The following SYNPO2 variants were observed in gnomAD, a reference collection of about 807,000 sequenced individuals.
SYNPO2 encodes the protein synaptopodin 2.
In SYNPO2, 56 loss-of-function variants were observed where a neutral mutation model predicts 85.0. The observed-to-expected ratio is 0.66, with a 90% CI of 0.53 to 0.82. The LOEUF (loss-of-function observed/expected upper bound fraction) is 0.82. Ranked by LOEUF, SYNPO2 falls within the 40% of genes least tolerant of loss-of-function variation. The probability of loss-of-function intolerance (pLI) is 0.00; values close to 1 mark genes in which losing one functional copy is unlikely to be tolerated. For synonymous variants in SYNPO2, 602 were observed against 591.1 expected, an observed-to-expected ratio of 1.02 and a Z score of -0.27; for missense variants, 1,575 against 1,534.2, an observed-to-expected ratio of 1.03 and a Z score of -0.44.
At chr4:118,944,948 A>T (rs376510351) in intron 1 of SYNPO2, among the ~76,000 whole-genome samples, 1 of 152,198 alleles carries the variant, frequency 6.6e-6, no homozygotes, top group Non-Finnish European at 1.5e-5. Context: ...TTGACATCCT[A>T]CCTTACCACT....
intron 1 of SYNPO2, among the ~76,000 whole-genome samples, chr4:118,953,337 A>T (rs796412541): frequency 5.9e-5 from 9 of 152,202 alleles, no homozygotes; most frequent in African/African-American, 1.7e-4. Flanking sequence ...CCTTCGTAGG[A>T]TTCATCACAA....
chr4:118,902,125 C>G (rs1034081357), intron 1 of SYNPO2, among the ~76,000 whole-genome samples: 2 of 152,174 alleles, frequency 1.3e-5, no homozygotes, highest in Admixed American at 1.3e-4. Context: ...ATGAAAAACT[C>G]TCTCTCCTGG....
At chr4:118,851,152 T>C (rs925100915) in intron 1 of SYNPO2, among the ~76,000 whole-genome samples, 1 of 152,014 alleles carries the variant, frequency 6.6e-6, no homozygotes, top group Non-Finnish European at 1.5e-5. Flanking sequence ...CTGACTGTTA[T>C]CACGATCTTT....
At chr4:118,945,960 G>A (rs1734485270) in intron 1 of SYNPO2, among the ~76,000 whole-genome samples, 1 of 152,082 alleles carries the variant, frequency 6.6e-6, no homozygotes, top group South Asian at 2.1e-4. Flanking sequence ...TGGCCAGGAT[G>A]GTCTCGATCT....
chr4:118,881,658 G>A (rs1732104743), intron 1 of SYNPO2, among the ~76,000 whole-genome samples: 1 of 152,196 alleles, frequency 6.6e-6, no homozygotes. Flanking sequence ...TTAAATCACT[G>A]GCAGTAGTAG....
chr4:118,910,304 A>G (rs554177720), intron 1 of SYNPO2, among the ~76,000 whole-genome samples: 10 of 152,346 alleles, frequency 6.6e-5, no homozygotes, highest in Admixed American at 1.3e-4. Context: ...GAATGAGATC[A>G]GTCAACTTTG....
chr4:119,031,903 C>T lies in SYNPO2; in HGVS notation c.3128C>T (p.Pro1043Leu). 1.2e-6 allele frequency: 2 copies of T among 1,614,222 alleles called. No individual in the cohort carries two copies. Among genetic ancestry groups the T allele is most frequent in the South Asian group, 2.2e-5 (2 of 91,082 alleles). Residue 1043 changes from proline to leucine, a missense_variant, in exon 4 of 5, where the codon CCA becomes CTA. By Grantham distance (98) the Pro-to-Leu change is moderately conservative. Transcript: ENST00000307142. ...PPSFFAEASS[P>L]VSASPVPVGI... ...TCCTTCTTTGCAGAGGCCTCCTCACCAGTCAGTGCATCCCCAGTGCCTGTG... is the reference window on the plus strand; with the variant it reads ...TCCTTCTTTGCAGAGGCCTCCTCACTAGTCAGTGCATCCCCAGTGCCTGTG...
chr4:118,963,548 G>C (rs1001876557), intron 1 of SYNPO2, among the ~76,000 whole-genome samples: 12 of 152,068 alleles, frequency 7.9e-5, no homozygotes, highest in African/African-American at 2.9e-4. Context: ...TGTTGCCCAG[G>C]CTGGCCTGGA....
chr4:118,862,959 C>T (rs547956128), intron 1 of SYNPO2, among the ~76,000 whole-genome samples: 55 of 152,066 alleles, frequency 3.6e-4, no homozygotes, highest in African/African-American at 1.1e-3. Context: ...TACAGGCTCC[C>T]GCCACCTCAC....
rs1025936397 is a variant in SYNPO2 at position 119,058,341 on chromosome 4, T to A, written c.*407T>A. 1 of 158,960 alleles carries A rather than the reference T, an allele frequency of 6.3e-6. No individual in the cohort carries two copies. 9.8% of individuals were successfully genotyped at this position (158,960 alleles called of 1,614,324 possible). A position where few individuals can be genotyped will look rare whatever the true frequency, so the allele number is the denominator to read the frequency against. ...CCAGGAAGAAATTAATGGAATATGGTGTGCTAATTATCACTACCTATAACA... is the reference window on the plus strand; with the variant it reads ...CCAGGAAGAAATTAATGGAATATGGAGTGCTAATTATCACTACCTATAACA... On this transcript the variant is annotated 3_prime_UTR_variant, in exon 5 of 5. Transcript: ENST00000307142.
intron 1 of SYNPO2, among the ~76,000 whole-genome samples, chr4:118,958,469 T>G (rs944264786): frequency 5.9e-5 from 9 of 152,154 alleles, no homozygotes; most frequent in Non-Finnish European, 2.9e-5. Flanking sequence ...TTGGGAGGCT[T>G]AAGGACCTAG....
At chr4:118,888,447 T>C (rs993359784), upstream of SYNPO2, among the ~76,000 whole-genome samples, 7 of 152,180 alleles carry the variant, frequency 4.6e-5, no homozygotes, top group African/African-American at 1.2e-4. Flanking sequence ...ATTTTAACTC[T>C]TTTTTGTCTA....
chr4:118,867,608 A>G (rs1731723970), intron 1 of SYNPO2, among the ~76,000 whole-genome samples: 1 of 152,140 alleles, frequency 6.6e-6, no homozygotes, highest in African/African-American at 2.4e-5. Context: ...GATTTAAAAA[A>G]TCAGTGTATT....
chr4:118,881,604 CTGGGGAGCGTCCCCT>C (rs1732102248), intron 1 of SYNPO2, among the ~76,000 whole-genome samples: 1 of 152,244 alleles, frequency 6.6e-6, no homozygotes, highest in African/African-American at 2.4e-5. Flanking sequence ...GAAAGAGTTG[CTGGGGAGCGTCCCCT>C]TACGACTGCG....
At chr4:118,940,431 T>C (rs1256885325) in intron 1 of SYNPO2, among the ~76,000 whole-genome samples, 1 of 152,110 alleles carries the variant, frequency 6.6e-6, no homozygotes, top group Non-Finnish European at 1.5e-5. Context: ...GAAATAAGAG[T>C]AAACTGTTTT....
chr4:118,961,611 C>G (rs1735098579), intron 1 of SYNPO2, among the ~76,000 whole-genome samples: 1 of 152,164 alleles, frequency 6.6e-6, no homozygotes, highest in Admixed American at 6.6e-5. Flanking sequence ...CTATATAGCT[C>G]TAATTTATCT....
chr4:118,908,680 T>C (rs1326597985), intron 1 of SYNPO2, among the ~76,000 whole-genome samples: 2 of 152,096 alleles, frequency 1.3e-5, no homozygotes, highest in Non-Finnish European at 2.9e-5. Flanking sequence ...ATCTCTCTTT[T>C]GGGAGATACG....
chr4:118,932,434 A>G (rs1401005965), intron 1 of SYNPO2, among the ~76,000 whole-genome samples: 1 of 152,246 alleles, frequency 6.6e-6, no homozygotes, highest in Non-Finnish European at 1.5e-5. Flanking sequence ...TGTTAATAAA[A>G]TATTTTATCC....
intron 4 of SYNPO2, among the ~76,000 whole-genome samples, chr4:119,046,545 T>C (rs1316694227): frequency 1.3e-5 from 2 of 152,236 alleles, no homozygotes; most frequent in Non-Finnish European, 2.9e-5. Context: ...CAGTTGCCTC[T>C]TGAACAAAAG....
Sources: gnomAD v4.1 joint callset for allele counts (sites outside exome capture counted in the v4.1 genomes callset) on GRCh38, gnomAD v4.1.1 for gene constraint, MANE v1.5 for transcripts, NCBI Gene and HGNC (gene_info 2026-07-23, HGNC 2026-07-21) for gene names.